TOP2B: variants seen among roughly 807,000 people sequenced by gnomAD.
The protein encoded by TOP2B is DNA topoisomerase 2-beta.
In TOP2B, 51 loss-of-function variants were observed where a neutral mutation model predicts 193.5. The ratio of observed to expected loss-of-function variants is 0.26; its 90% CI spans 0.21 to 0.33. TOP2B has a LOEUF of 0.33. Ranked by LOEUF, TOP2B falls within the 10% of genes least tolerant of loss-of-function variation. The pLI is 1.00. For synonymous variants in TOP2B, 634 were observed against 635.7 expected, an observed-to-expected ratio of 1.00 and a Z score of 0.04; for missense variants, 1,378 against 1,909.3, an observed-to-expected ratio of 0.72 and a Z score of 5.19.
chr3:25,660,568 T>C (rs1158398553), intron 1 of TOP2B, among the ~76,000 whole-genome samples: 1 of 152,110 alleles, frequency 6.6e-6, no homozygotes, highest in Non-Finnish European at 1.5e-5. Context: ...GGAAGGCAAA[T>C]ATGTAAAGAC....
At chr3:25,614,756 A>T (rs1702462020) in intron 27 of TOP2B, among the ~76,000 whole-genome samples, 1 of 152,028 alleles carries the variant, frequency 6.6e-6, no homozygotes, top group Non-Finnish European at 1.5e-5. Context: ...TTATATCTCT[A>T]CATTTTTTTT....
At position 25,620,800 on chromosome 3, in the gene TOP2B, T is replaced by G; in HGVS notation, c.2744A>C (p.Asn915Thr). Residue 915 changes from asparagine (N) to threonine (T), a missense_variant, in exon 22 of 36, where the codon AAC becomes ACC. Asn to Thr is a moderately conservative substitution (Grantham distance 65). This residue lies in a region of TOP2B where 379 missense variants were observed against 615.1 expected (regional missense o/e 0.62). Coordinates refer to ENST00000264331, the MANE Select transcript of TOP2B (RefSeq NM_001330700.2). ...DPHPMLPNYKNFKGTIQELGQ... is the reference protein window; with the variant it reads ...DPHPMLPNYKTFKGTIQELGQ... ...AAGTTCTTGAATCGTGCCTTTAAAG[T>G]TTTTGTAGTTTGGAAGCTGTAGAGA... The G allele has an allele frequency of 2.5e-6, 4 of 1,613,356 alleles. No individual in the cohort carries two copies. Among genetic ancestry groups the G allele is most frequent in the Non-Finnish European group, 3.4e-6 (4 of 1,179,550 alleles).
chr3:25,606,187 A>G, intron 31 of TOP2B, 65 bp from the exon 32 acceptor site: 1 of 733,622 alleles, frequency 1.4e-6, no homozygotes, highest in Non-Finnish European at 2.1e-6. Flanking sequence ...ATCCTGATAA[A>G]TTATATATAA....
chr3:25,618,882 T>G (rs1702583491), intron 23 of TOP2B, 33 bp from the exon 24 acceptor site: 2 of 1,484,986 alleles, frequency 1.3e-6, no homozygotes, highest in African/African-American at 2.8e-5. Flanking sequence ...GCAGATCATA[T>G]AGATCTGTAC....
At chr3:25,637,341 T>G in intron 5 of TOP2B, 29 bp from the exon 6 acceptor site, 1 of 1,494,828 alleles carries the variant, frequency 6.7e-7, no homozygotes, top group Non-Finnish European at 9.1e-7. Context: ...GTAAAAGGTT[T>G]AGTAAAAATG....
intron 10 of TOP2B, among the ~76,000 whole-genome samples, chr3:25,631,733 G>A (rs916247485): frequency 2.6e-5 from 4 of 151,968 alleles, no homozygotes; most frequent in African/African-American, 9.7e-5. Context: ...ACAGAAATTT[G>A]GGAAAGCATT....
At chr3:25,600,923 T>G (rs1254201433) in intron 34 of TOP2B, among the ~76,000 whole-genome samples, 177 bp downstream of exon 34, 1 of 152,206 alleles carries the variant, frequency 6.6e-6, no homozygotes, top group Admixed American at 6.5e-5. Context: ...CTGAACTAAA[T>G]TGCTATGCCT....
At chr3:25,641,522 T>TA (rs201068828) in intron 4 of TOP2B, among the ~76,000 whole-genome samples, 12 of 135,784 alleles carry the variant, frequency 8.8e-5, no homozygotes, top group East Asian at 4.2e-4. Flanking sequence ...AATCCAAATT[T>TA]AAAAAAAAAT....
At chr3:25,663,985 T>TC (rs1704000568) in intron 1 of TOP2B, among the ~76,000 whole-genome samples, 1 of 151,836 alleles carries the variant, frequency 6.6e-6, no homozygotes, top group Non-Finnish European at 1.5e-5. Flanking sequence ...CGCGGTTTTG[T>TC]CCCCCCAAAG....
chr3:25,624,605 G>T (rs1295896752), intron 19 of TOP2B, 77 bp downstream of exon 19: 1 of 1,571,948 alleles, frequency 6.4e-7, no homozygotes, highest in South Asian at 1.2e-5. Context: ...CTTTACTAAA[G>T]GAAAAATACT....
At chr3:25,615,752 A>G in intron 25 of TOP2B, 166 bp from the exon 26 acceptor site, 1 of 548,066 alleles carries the variant, frequency 1.8e-6, no homozygotes, top group African/African-American at 2.0e-5. Context: ...ATTTCCTTAT[A>G]AAAAGTTTAA....
In TOP2B at chr3:25,628,951, G is replaced by A; in HGVS notation, c.1802C>T (p.Ala601Val). 6.3e-7 allele frequency: 1 copy of A among 1,592,898 alleles called. No individual in the cohort carries two copies. The highest frequency in any genetic ancestry group is 8.5e-7 in the Non-Finnish European group (1 of 1,172,548). ...GGAAAGTTCCTGCTTATTTTTGCTT[G>A]CCTTAAATTAATTAAAAAACAAAAT... ...LEEFITPIVK[A>V]SKNKQELSFY... The change falls in exon 15 of 36, where the codon GCA becomes GTA. Residue 601 changes from alanine to valine, a missense_variant and splice_region_variant. Physicochemically the swap from Ala to Val is moderately conservative, Grantham distance 64. Around this residue, in one of 9 missense-constraint regions of TOP2B, gnomAD observed 379 missense variants for 615.1 expected, o/e 0.62. Transcript: ENST00000264331.
chr3:25,613,660 T>C (rs979122634), intron 27 of TOP2B, among the ~76,000 whole-genome samples: 2 of 151,534 alleles, frequency 1.3e-5, no homozygotes, highest in Non-Finnish European at 2.9e-5. Flanking sequence ...CCCAAGTGGT[T>C]GAGGCTGCAA....
rs776413687 is a variant in TOP2B, at chr3:25,635,951, A to T, written c.837T>A (p.Asn279Lys). The T allele has an allele frequency of 6.2e-7, 1 of 1,612,920 alleles. No homozygotes were observed. Among genetic ancestry groups the T allele is most frequent in the African/African-American group, 1.3e-5 (1 of 74,882 alleles). The change falls in exon 7 of 36, where the codon AAT (asparagine) becomes AAA (lysine). Residue 279 changes from asparagine (N) to lysine (K), a missense_variant. This residue lies in a region of TOP2B where 222 missense variants were observed against 306.6 expected (regional missense o/e 0.72). Coordinates refer to ENST00000264331, the MANE Select transcript of TOP2B (RefSeq NM_001330700.2). ...GSCRGVKVMF[N>K]GKKLPVNGFR... ...GGACACTTACAGGCAATTTCTTTCC[A>T]TTAAACATGACCTTGACCCCTCTAC...
chr3:25,634,727 G>A (rs1703052413), intron 7 of TOP2B, among the ~76,000 whole-genome samples: 1 of 137,118 alleles, frequency 7.3e-6, no homozygotes, highest in African/African-American at 2.7e-5. Context: ...TGCTAGCTGG[G>A]AGACAGAAAC....
chr3:25,640,114 A>C (rs1703214857), intron 4 of TOP2B, among the ~76,000 whole-genome samples: 1 of 152,222 alleles, frequency 6.6e-6, no homozygotes, highest in Admixed American at 6.5e-5. Context: ...ATCTTACTGA[A>C]GCAAAAATTG....
At chr3:25,609,130 C>A in intron 30 of TOP2B, 53 bp downstream of exon 30, 2 of 1,436,558 alleles carry the variant, frequency 1.4e-6, no homozygotes, top group South Asian at 2.9e-5. Flanking sequence ...ACTAACAATA[C>A]CAACGTATAG....
chr3:25,652,932 C>G (rs1703634735), intron 1 of TOP2B, among the ~76,000 whole-genome samples: 1 of 151,670 alleles, frequency 6.6e-6, no homozygotes, highest in East Asian at 1.9e-4. Flanking sequence ...AAGAGATAAT[C>G]AAATAACTAA....
chr3:25,599,323 C>G (rs141345122), intron 35 of TOP2B, 112 bp downstream of exon 35: 4 of 859,536 alleles, frequency 4.7e-6, no homozygotes, highest in Admixed American at 2.9e-5. Flanking sequence ...CATATTGATA[C>G]GAGATGCTAG....
Sources: allele counts gnomAD v4.1 joint callset (sites outside exome capture counted in the v4.1 genomes callset), GRCh38; gene constraint gnomAD v4.1.1; regional missense constraint gnomAD v4.1.1; transcripts MANE v1.5; gene names NCBI Gene and HGNC (gene_info 2026-07-23, HGNC 2026-07-21).